Variants in RAD51B observed in about 807,000 individuals in gnomAD.
RAD51B encodes RAD51 paralog B, also known as DNA repair protein RAD51 homolog 2.
A neutral mutation model predicts 42.2 loss-of-function variants in RAD51B; 38 were observed. The observed-to-expected ratio is 0.90, with a 90% CI of 0.70 to 1.18. The LOEUF (loss-of-function observed/expected upper bound fraction) is 1.18. RAD51B is among the 50% of genes most tolerant of loss of function. The pLI is 0.00. For missense variants in RAD51B, 373 were observed against 400.7 expected, an observed-to-expected ratio of 0.93 and a Z score of 0.59; for synonymous variants, 154 against 145.2, an observed-to-expected ratio of 1.06 and a Z score of -0.43.
intron 10 of RAD51B, among the ~76,000 whole-genome samples, chr14:68,495,175 G>A (rs1224527918): frequency 4.6e-5 from 7 of 152,144 alleles, no homozygotes; most frequent in African/African-American, 1.7e-4. Context: ...TTCATGCCCT[G>A]CCTTGCTTCT....
intron 11 of RAD51B, among the ~76,000 whole-genome samples, chr14:68,663,702 G>C (rs954396955): frequency 6.6e-6 from 1 of 152,204 alleles, no homozygotes; most frequent in Non-Finnish European, 1.5e-5. Context: ...AACAGTGCTA[G>C]ACGTGGGAGG....
intron 4 of RAD51B, 45 bp downstream of exon 4, chr14:67,835,241 T>TG: frequency 7.5e-7 from 1 of 1,337,012 alleles, no homozygotes. Context: ...ACCTATAACC[T>TG]TCAGAGCTAG....
At chr14:67,984,887 T>A (rs913342580) in intron 7 of RAD51B, among the ~76,000 whole-genome samples, 17 of 152,220 alleles carry the variant, frequency 1.1e-4, no homozygotes, top group Non-Finnish European at 2.2e-4. Flanking sequence ...AAGCAATAAA[T>A]TGGTACCCAA....
At position 67,863,241 on chromosome 14, in the gene RAD51B, T is replaced by A. The variant is rs117153418; in HGVS notation, c.316-1762T>A. On this transcript the variant is annotated intron_variant, in intron 4 of 10. Transcript: ENST00000471583. Reference sequence around the variant, plus strand: ...CCTGGGCTCAAGTGATTCTCTTGCCTCAGCCTCTGGGATTACAGGCGTGTG... The same window carrying A: ...CCTGGGCTCAAGTGATTCTCTTGCCACAGCCTCTGGGATTACAGGCGTGTG... Among the ~76,000 whole-genome samples, 872 of 148,690 alleles carry A rather than the reference T, an allele frequency of 5.9e-3. 4 individuals are homozygous for A. The highest frequency in any genetic ancestry group is 0.014 in the South Asian group (65 of 4,612).
intron 10 of RAD51B, among the ~76,000 whole-genome samples, chr14:68,522,385 C>A (rs1306288178): frequency 6.6e-6 from 1 of 152,140 alleles, no homozygotes; most frequent in African/African-American, 2.4e-5. Flanking sequence ...AAGGCACAAT[C>A]TTTTCAGGCC....
intron 10 of RAD51B, among the ~76,000 whole-genome samples, chr14:68,560,848 A>G (rs957912722): frequency 5.7e-4 from 86 of 151,724 alleles, no homozygotes; most frequent in African/African-American, 2.1e-3. Context: ...TCTCCACACT[A>G]CAAGGCTACT....
At chr14:68,669,020 C>T (rs538140642) in intron 11 of RAD51B, among the ~76,000 whole-genome samples, 9 of 152,204 alleles carry the variant, frequency 5.9e-5, no homozygotes, top group Non-Finnish European at 1.0e-4. Flanking sequence ...GTTGAAAAGA[C>T]GATATCTTTG....
At chr14:68,393,057 T>G (rs560942018) in intron 8 of RAD51B, among the ~76,000 whole-genome samples, 13 of 152,344 alleles carry the variant, frequency 8.5e-5, no homozygotes, top group African/African-American at 3.1e-4. Flanking sequence ...ATAATTAACC[T>G]TTCCACCTAT....
intron 7 of RAD51B, among the ~76,000 whole-genome samples, chr14:68,153,727 C>G (rs751180287): frequency 6.6e-6 from 1 of 151,898 alleles, no homozygotes; most frequent in Non-Finnish European, 1.5e-5. Flanking sequence ...GGATATTAGA[C>G]ATTTGTCAGA....
intron 9 of RAD51B, among the ~76,000 whole-genome samples, chr14:68,464,279 C>T (rs1164098434): frequency 6.6e-6 from 1 of 152,150 alleles, no homozygotes; most frequent in African/African-American, 2.4e-5. Flanking sequence ...CCAAATGTCA[C>T]CTCTTCAGTG....
chr14:68,603,439 T>C (rs1281787764), intron 10 of RAD51B, among the ~76,000 whole-genome samples: 4 of 152,202 alleles, frequency 2.6e-5, no homozygotes, highest in Admixed American at 2.6e-4. Flanking sequence ...TACTTTTCTG[T>C]GTCTTCCAAA....
intron 7 of RAD51B, among the ~76,000 whole-genome samples, chr14:68,171,331 T>G: frequency 6.6e-6 from 1 of 152,160 alleles, no homozygotes; most frequent in East Asian, 1.9e-4. Context: ...GGAGTTTCAC[T>G]CCTGTTGCCC....
chr14:68,044,881 G>T (rs1325365141), intron 7 of RAD51B, among the ~76,000 whole-genome samples: 1 of 152,084 alleles, frequency 6.6e-6, no homozygotes, highest in Non-Finnish European at 1.5e-5. Flanking sequence ...CAGAAAGCAG[G>T]ATTTTTGTGA....
chr14:68,251,478 T>C (rs2080632505), intron 7 of RAD51B, among the ~76,000 whole-genome samples: 1 of 152,202 alleles, frequency 6.6e-6, no homozygotes, highest in South Asian at 2.1e-4. Flanking sequence ...TTAAAGCTTT[T>C]GAAGGAATGT....
At chr14:68,502,418 T>C (rs985340184) in intron 10 of RAD51B, among the ~76,000 whole-genome samples, 4 of 152,184 alleles carry the variant, frequency 2.6e-5, no homozygotes, top group South Asian at 2.1e-4. Flanking sequence ...CGGGACTTTC[T>C]GAAGGCAACA....
At chr14:67,996,084 A>G (rs1163903617) in intron 7 of RAD51B, among the ~76,000 whole-genome samples, 1 of 151,758 alleles carries the variant, frequency 6.6e-6, no homozygotes, top group African/African-American at 2.4e-5. Flanking sequence ...AGAGAGTTGC[A>G]ATTTTAAAAA....
intron 7 of RAD51B, chr14:68,000,424 CG>C (rs1191572160): frequency 3.9e-5 from 6 of 152,054 alleles, no homozygotes; most frequent in African/African-American, 1.4e-4. Context: ...CTGGTATGTT[CG>C]CATTTAGTAC....
At chr14:67,877,758 GTACA>G (rs1242158258) in intron 5 of RAD51B, among the ~76,000 whole-genome samples, 1 of 152,154 alleles carries the variant, frequency 6.6e-6, no homozygotes, top group African/African-American at 2.4e-5. Context: ...GACTTACTGG[GTACA>G]AGGGATCCCC....
intron 9 of RAD51B, among the ~76,000 whole-genome samples, chr14:68,446,797 G>T (rs1352001085): frequency 3.3e-5 from 5 of 152,154 alleles, no homozygotes; most frequent in African/African-American, 1.2e-4. Context: ...ATCATCTGAG[G>T]CCCTGGATCC....
Sources: gnomAD v4.1 joint callset for allele counts (sites outside exome capture counted in the v4.1 genomes callset) on GRCh38, gnomAD v4.1.1 for gene constraint, MANE v1.5 for transcripts, NCBI Gene and HGNC (gene_info 2026-07-23, HGNC 2026-07-21) for gene names.